Variants in MICAL2 observed in about 807,000 individuals in gnomAD.
MICAL2 encodes [F-actin]-monooxygenase MICAL2.
MICAL2 carries 77 observed loss-of-function variants against 127.3 expected under a neutral mutation model. The observed-to-expected ratio is 0.60, with a 90% CI of 0.50 to 0.73. MICAL2 has a LOEUF of 0.73. Among genes scored for constraint, MICAL2 ranks in the 30% least tolerant of loss-of-function variants. The probability of loss-of-function intolerance (pLI) is 0.00; values close to 1 mark genes in which losing one functional copy is unlikely to be tolerated. For synonymous variants in MICAL2, 570 were observed against 551.1 expected (o/e 1.03, Z -0.48); for missense variants, 1,351 against 1,434.4 (o/e 0.94, Z 0.94).
At chr11:12,274,956 C>T (rs1863708767), upstream of MICAL2, among the ~76,000 whole-genome samples, 1 of 151,776 alleles carries the variant, frequency 6.6e-6, no homozygotes, top group Non-Finnish European at 1.5e-5. Context: ...CAGGCAGAGG[C>T]AGTTTCTATG....
chr11:12,251,507 T>G (rs965274713), intron 22 of MICAL2, among the ~76,000 whole-genome samples: 23 of 149,474 alleles, frequency 1.5e-4, no homozygotes, highest in Non-Finnish European at 4.4e-5. Flanking sequence ...CTGGAATGCA[T>G]TTCATCAGGT....
At chr11:12,136,900 C>T (rs1221373393) in intron 1 of MICAL2, among the ~76,000 whole-genome samples, 1 of 152,140 alleles carries the variant, frequency 6.6e-6, no homozygotes, top group East Asian at 1.9e-4. Flanking sequence ...TCCGTAATGC[C>T]CTAGGGTGGG....
chr11:12,279,421 T>C (rs932469479), intron 1 of MICAL2, among the ~76,000 whole-genome samples: 1 of 152,106 alleles, frequency 6.6e-6, no homozygotes, highest in African/African-American at 2.4e-5. Flanking sequence ...CTTGGGAACA[T>C]AGGCTTGAGC....
Position 12,216,227 on chromosome 11 carries a change from C to A in MICAL2, c.856C>A (p.Leu286Ile). 6.2e-7 allele frequency: 1 copy of A among 1,612,018 alleles called. No individual in the cohort carries two copies. The highest frequency in any genetic ancestry group is 8.5e-7 in the Non-Finnish European group (1 of 1,178,044). ...QDLKEETGID[L>I]ENIVYYKDCT... ...AATGCTTCTCTTTTCAGGCATAGAT[C>A]TTGAGAACATTGTTTACTACAAGGA... is the stretch of plus-strand genomic sequence containing the variant. The change falls in exon 8 of 28, where the codon CTT becomes ATT. Residue 286 changes from leucine to isoleucine, a missense_variant. Coordinates refer to ENST00000683283, the MANE Select transcript of MICAL2 (RefSeq NM_001282663.2).
chr11:12,348,912 C>A (rs1939000189), intron 32 of MICAL2, among the ~76,000 whole-genome samples: 1 of 151,544 alleles, frequency 6.6e-6, no homozygotes, highest in African/African-American at 2.4e-5. Context: ...AACAGCAGCT[C>A]ATTATTATTG....
intron 26 of MICAL2, 151 bp from the exon 27 acceptor site, chr11:12,262,329 G>A (rs1314972105): frequency 1.3e-5 from 20 of 1,500,206 alleles, no homozygotes; most frequent in East Asian, 2.3e-5. Context: ...AGCAAACAGC[G>A]ACTCTTTCAG....
At chr11:12,326,316 C>A (rs1261767427) in intron 31 of MICAL2, among the ~76,000 whole-genome samples, 6 of 152,124 alleles carry the variant, frequency 3.9e-5, no homozygotes, top group African/African-American at 1.4e-4. Context: ...CTTTTGACAG[C>A]ATGGTATTTG....
At chr11:12,186,098 C>T (rs558753404) in intron 3 of MICAL2, among the ~76,000 whole-genome samples, 18 of 152,306 alleles carry the variant, frequency 1.2e-4, no homozygotes, top group Admixed American at 6.5e-4. Context: ...GGAGGTCTTC[C>T]GTTACAGGAT....
chr11:12,260,098 T>C (rs1217345042), intron 26 of MICAL2: 2 of 1,536,570 alleles, frequency 1.3e-6, no homozygotes, highest in South Asian at 2.4e-5. Flanking sequence ...GGCAGCCATG[T>C]ACAGGGAATC....
At chr11:12,315,492 A>C (rs1361144427) in intron 29 of MICAL2, among the ~76,000 whole-genome samples, 1 of 152,058 alleles carries the variant, frequency 6.6e-6, no homozygotes, top group African/African-American at 2.4e-5. Context: ...TTTTTGACCT[A>C]TGGGTTATTT....
In MICAL2 at chr11:12,242,784, G is replaced by T; in HGVS notation, c.2658+12G>T. ...GGGATTTCCCGCAGGTAAACATGGG[G>T]CTTTCAGAGCCCCCAGGAACCTGAT... On this transcript the variant is annotated intron_variant, in intron 20 of 27. Coordinates refer to ENST00000683283, the MANE Select transcript of MICAL2 (RefSeq NM_001282663.2). 1 of 1,586,222 alleles carries T rather than the reference G, an allele frequency of 6.3e-7. No homozygotes were observed. The highest frequency in any genetic ancestry group is 8.6e-7 in the Non-Finnish European group (1 of 1,166,020).
chr11:12,262,209 G>A (rs917363868), intron 26 of MICAL2: 2 of 1,341,872 alleles, frequency 1.5e-6, no homozygotes, highest in South Asian at 1.6e-5. Context: ...AATGGGAGAC[G>A]CTAGAGTAAA....
At chr11:12,234,139 G>A (rs1044182072) in intron 15 of MICAL2, among the ~76,000 whole-genome samples, 11 of 152,066 alleles carry the variant, frequency 7.2e-5, no homozygotes, top group Non-Finnish European at 1.5e-4. Flanking sequence ...TGGTGGGCAC[G>A]GCCTCCCCAG....
At chr11:12,322,222 C>G (rs1376514140) in intron 30 of MICAL2, among the ~76,000 whole-genome samples, 1 of 152,102 alleles carries the variant, frequency 6.6e-6, no homozygotes, top group Non-Finnish European at 1.5e-5. Flanking sequence ...GCTCAAGGGG[C>G]AGTTGTTAAT....
At chr11:12,233,247 A>G (rs1186702744) in intron 15 of MICAL2, among the ~76,000 whole-genome samples, 1 of 152,246 alleles carries the variant, frequency 6.6e-6, no homozygotes. Context: ...ATAGTTAAGG[A>G]AACTGAAGTC....
At chr11:12,156,005 G>A (rs908519281) in intron 2 of MICAL2, among the ~76,000 whole-genome samples, 1 of 152,202 alleles carries the variant, frequency 6.6e-6, no homozygotes, top group African/African-American at 2.4e-5. Flanking sequence ...CTAGACCAGT[G>A]GAGTCTACTA....
chr11:12,287,610 CAT>C (rs1326879930), downstream of MICAL2, among the ~76,000 whole-genome samples: 1 of 152,186 alleles, frequency 6.6e-6, no homozygotes, highest in African/African-American at 2.4e-5. Context: ...CACACACACA[CAT>C]GCACACGCAC....
rs932811521 is a variant in MICAL2, at chr11:12,244,056, G to A, written c.2728G>A (p.Asp910Asn). ...PSPPSRLPSP[D>N]PAASSSPSTV... ...TCCTCCCTCTCGCCTTCCGTCTCCT[G>A]ATCCAGCTGCTTCTTCCTCTCCATC... The change falls in exon 21 of 28, where the codon GAT becomes AAT. Residue 910 changes from aspartate (D) to asparagine (N), a missense_variant. By Grantham distance (23) the Asp-to-Asn change is conservative. Around this residue, in one of 2 missense-constraint regions of MICAL2, gnomAD observed 752 missense variants for 719.4 expected, o/e 1.05. Transcript: ENST00000683283. 6 of 1,614,022 alleles carry A rather than the reference G, an allele frequency of 3.7e-6. No homozygotes were observed. In the East Asian group the frequency reaches 8.9e-5, roughly 24 times the overall value.
chr11:12,202,989 T>G (rs1055020060), intron 3 of MICAL2, among the ~76,000 whole-genome samples: 5 of 152,238 alleles, frequency 3.3e-5, no homozygotes, highest in African/African-American at 7.2e-5. Context: ...TCTCATGGAT[T>G]TGCCTATTCT....
Sources: allele counts gnomAD v4.1 joint callset (sites outside exome capture counted in the v4.1 genomes callset), GRCh38; gene constraint gnomAD v4.1.1; regional missense constraint gnomAD v4.1.1; transcripts MANE v1.5; gene names NCBI Gene and HGNC (gene_info 2026-07-23, HGNC 2026-07-21).